ZNF30: variants seen among roughly 807,000 people sequenced by gnomAD.
The protein encoded by ZNF30 is zinc finger protein 30.
ZNF30 carries 15 observed loss-of-function variants against 13.2 expected under a neutral mutation model. That is an observed-to-expected ratio of 1.13 (90% CI 0.76 to 1.75). The LOEUF (loss-of-function observed/expected upper bound fraction) is 1.75, where lower values mean the gene tolerates loss of function less well. ZNF30 is among the 40% of genes most tolerant of loss of function. The pLI is 0.00. For synonymous variants in ZNF30, 223 were observed against 256.6 expected, an observed-to-expected ratio of 0.87 and a Z score of 1.25; for missense variants, 726 against 757.0, an observed-to-expected ratio of 0.96 and a Z score of 0.48.
chr19:34,936,204 G>T (rs1310848294), intron 4 of ZNF30, among the ~76,000 whole-genome samples: 1 of 152,170 alleles, frequency 6.6e-6, no homozygotes, highest in Non-Finnish European at 1.5e-5. Flanking sequence ...AATTACTCCA[G>T]GTATTTGTAG....
chr19:34,939,818 A>G (rs961828180), intron 4 of ZNF30, among the ~76,000 whole-genome samples: 22 of 152,324 alleles, frequency 1.4e-4, no homozygotes, highest in Non-Finnish European at 7.4e-5. Flanking sequence ...ATGCTTGGGC[A>G]TAATTGACAA....
At chr19:34,930,023 C>A in intron 2 of ZNF30, 67 bp downstream of exon 2, 1 of 1,444,156 alleles carries the variant, frequency 6.9e-7, no homozygotes, top group Non-Finnish European at 9.6e-7. Context: ...CTTAATTGAC[C>A]TGAAGCATTC....
intron 4 of ZNF30, 132 bp from the exon 5 acceptor site, chr19:34,943,088 TTTG>T (rs1156351880): frequency 1.3e-5 from 8 of 623,464 alleles, no homozygotes; most frequent in Non-Finnish European, 2.5e-6. Flanking sequence ...TTTTTTTTTT[TTTG>T]AATTTCATAA....
At chr19:34,940,794 G>GT (rs760706551) in intron 4 of ZNF30, among the ~76,000 whole-genome samples, 1 of 151,780 alleles carries the variant, frequency 6.6e-6, no homozygotes, top group African/African-American at 2.4e-5. Flanking sequence ...TAAGAGAATA[G>GT]TTACGATCAG....
intron 4 of ZNF30, among the ~76,000 whole-genome samples, chr19:34,939,131 C>A (rs1306741489): frequency 1.2e-5 from 1 of 81,620 alleles, no homozygotes. Flanking sequence ...TCTCCCCTCC[C>A]CTCCCCTCCC....
intron 4 of ZNF30, chr19:34,942,503 T>A: frequency 2.2e-6 from 1 of 452,762 alleles, no homozygotes; most frequent in South Asian, 2.9e-5. Context: ...AAGAATGAAG[T>A]GCTAGAAAGT....
At chr19:34,930,031 T>G in intron 2 of ZNF30, 75 bp downstream of exon 2, 1 of 1,414,082 alleles carries the variant, frequency 7.1e-7, no homozygotes, top group Non-Finnish European at 9.8e-7. Context: ...ACCTGAAGCA[T>G]TCTTCATCAG....
chr19:34,928,220 A>ATATATATATATATAT (rs1555778255), intron 1 of ZNF30, among the ~76,000 whole-genome samples: 4 of 73,420 alleles, frequency 5.4e-5, no homozygotes, highest in African/African-American at 1.9e-4. Context: ...AAAAAAAAAA[A>ATATATATATATATAT]ATATATATAT....
chr19:34,930,033 C>A, intron 2 of ZNF30, 77 bp downstream of exon 2: 1 of 1,403,796 alleles, frequency 7.1e-7, no homozygotes, highest in Non-Finnish European at 9.9e-7. Flanking sequence ...CTGAAGCATT[C>A]TTCATCAGAA....
upstream of ZNF30, among the ~76,000 whole-genome samples, chr19:34,924,394 T>C (rs1345564894): frequency 6.6e-6 from 1 of 152,204 alleles, no homozygotes; most frequent in African/African-American, 2.4e-5. Context: ...TACAAATTTC[T>C]ATTGTATTCA....
chr19:34,938,596 A>C (rs552339760), intron 4 of ZNF30, among the ~76,000 whole-genome samples: 1 of 152,312 alleles, frequency 6.6e-6, no homozygotes, highest in South Asian at 2.1e-4. Flanking sequence ...TGCAATTGCA[A>C]GACTTTATTC....
chr19:34,934,520 C>T (rs2012620634), intron 4 of ZNF30, among the ~76,000 whole-genome samples: 1 of 152,160 alleles, frequency 6.6e-6, no homozygotes, highest in Admixed American at 6.5e-5. Context: ...CTGCCTTGGC[C>T]TCCCAAAGTA....
upstream of ZNF30, among the ~76,000 whole-genome samples, chr19:34,924,470 C>G (rs1026288822): frequency 6.6e-6 from 1 of 152,144 alleles, no homozygotes; most frequent in African/African-American, 2.4e-5. Flanking sequence ...ATTTTGACGG[C>G]TATTTACACA....
At chr19:34,928,220 A>ATAT (rs1555778255) in intron 1 of ZNF30, among the ~76,000 whole-genome samples, 34 of 73,394 alleles carry the variant, frequency 4.6e-4, no homozygotes, top group South Asian at 5.0e-4. Flanking sequence ...AAAAAAAAAA[A>ATAT]ATATATATAT....
rs1321023250 is a variant in ZNF30 at position 34,943,290 on chromosome 19, T to G, written c.324T>G (p.Phe108Leu). The change falls in exon 5 of 5, where the codon TTT (phenylalanine) becomes TTG (leucine). Residue 108 changes from phenylalanine to leucine, a missense_variant. Transcript: ENST00000601142. ...EMPTSENCPS[F>L]ALHQKISRQK... ...CCACCTCTGAAAACTGTCCATCTTT[T>G]GCTCTACATCAGAAAATAAGTAGAC... 6.2e-7 allele frequency: 1 copy of G among 1,613,826 alleles called. No individual in the cohort carries two copies. The highest frequency in any genetic ancestry group is 8.5e-7 in the Non-Finnish European group (1 of 1,179,820).
At chr19:34,938,527 T>G (rs973666335) in intron 4 of ZNF30, among the ~76,000 whole-genome samples, 1 of 152,186 alleles carries the variant, frequency 6.6e-6, no homozygotes, top group African/African-American at 2.4e-5. Context: ...TTCTTAATAA[T>G]TTACCACTTT....
chr19:34,927,705 CA>C (rs1263454747), intron 1 of ZNF30, among the ~76,000 whole-genome samples: 1 of 152,190 alleles, frequency 6.6e-6, no homozygotes, highest in African/African-American at 2.4e-5. Context: ...AAATAGGACC[CA>C]GCTTTTTCTT....
intron 4 of ZNF30, among the ~76,000 whole-genome samples, chr19:34,940,667 CAAAA>C (rs59553578): frequency 1.7e-4 from 11 of 63,910 alleles, no homozygotes; most frequent in African/African-American, 5.0e-4. Flanking sequence ...GACTCCGTCT[CAAAA>C]AAAAAAAAAA....
In ZNF30 at chr19:34,944,320, G is replaced by A. The variant is rs749722337; in HGVS notation, c.1354G>A (p.Gly452Arg). The part of the protein sequence containing the change: ...QLTVHQRVHT[G>R]EKPYECKECG... ...TACCGTACATCAAAGGGTTCATACT[G>A]GAGAGAAACCCTATGAGTGTAAGGA... The change falls in exon 5 of 5, where the codon GGA (glycine) becomes AGA (arginine). Residue 452 changes from glycine (G) to arginine (R), a missense_variant. Coordinates refer to ENST00000601142, the MANE Select transcript of ZNF30 (RefSeq NM_194325.3). 1 of 1,614,070 alleles carries A rather than the reference G, an allele frequency of 6.2e-7. No individual in the cohort carries two copies.
Sources: allele counts gnomAD v4.1 joint callset (sites outside exome capture counted in the v4.1 genomes callset), GRCh38; gene constraint gnomAD v4.1.1; transcripts MANE v1.5; gene names NCBI Gene and HGNC (gene_info 2026-07-23, HGNC 2026-07-21).